The following ARHGAP40 variants were observed in gnomAD, a reference collection of about 807,000 sequenced individuals.
ARHGAP40 encodes rho GTPase-activating protein 40.
Under a neutral mutation model 73.5 loss-of-function variants are expected in ARHGAP40, and 43 were observed. That is an observed-to-expected ratio of 0.58 (90% CI 0.46 to 0.75). The LOEUF (loss-of-function observed/expected upper bound fraction) is 0.75. ARHGAP40 is among the 30% of genes least tolerant of loss of function. ARHGAP40 has a pLI of 0.00. For missense variants in ARHGAP40, 734 were observed against 861.8 expected (o/e 0.85, Z 1.86); for synonymous variants, 300 against 352.8 (o/e 0.85, Z 1.68).
intron 9 of ARHGAP40, 22 bp downstream of exon 9, chr20:38,639,408 G>T (rs1342494037): frequency 1.5e-6 from 2 of 1,303,024 alleles, no homozygotes; most frequent in Admixed American, 4.6e-5. Context: ...CAAGCCCTTA[G>T]CCTGTGCAGG....
intron 5 of ARHGAP40, among the ~76,000 whole-genome samples, chr20:38,631,501 T>A (rs1462887779): frequency 1.3e-5 from 2 of 152,058 alleles, no homozygotes; most frequent in Non-Finnish European, 2.9e-5. Flanking sequence ...TCTCCCCTTT[T>A]TAAAACCATC....
chr20:38,602,581 C>T (rs2088741789), intron 1 of ARHGAP40, among the ~76,000 whole-genome samples: 1 of 152,198 alleles, frequency 6.6e-6, no homozygotes, highest in African/African-American at 2.4e-5. Flanking sequence ...ACTCTGATTA[C>T]ATCATATTAC....
At chr20:38,609,274 C>T (rs2088791201) in intron 1 of ARHGAP40, among the ~76,000 whole-genome samples, 1 of 152,152 alleles carries the variant, frequency 6.6e-6, no homozygotes, top group Non-Finnish European at 1.5e-5. Context: ...AGATCAGTGC[C>T]TTGGAGTCAC....
intron 1 of ARHGAP40, among the ~76,000 whole-genome samples, chr20:38,616,899 T>A (rs1368320319): frequency 6.6e-6 from 1 of 152,140 alleles, no homozygotes; most frequent in Non-Finnish European, 1.5e-5. Flanking sequence ...CAAAGAATCA[T>A]CCTCCTGACA....
At chr20:38,609,785 C>T (rs760128432) in intron 1 of ARHGAP40, among the ~76,000 whole-genome samples, 7 of 152,212 alleles carry the variant, frequency 4.6e-5, no homozygotes, top group South Asian at 2.1e-4. Context: ...GAGAGGTACA[C>T]GTAGCTCACA....
At chr20:38,612,692 A>AAGAGATAAGAAAAGAAAAGG (rs2088810949) in intron 1 of ARHGAP40, among the ~76,000 whole-genome samples, 1 of 152,100 alleles carries the variant, frequency 6.6e-6, no homozygotes, top group Non-Finnish European at 1.5e-5. Context: ...AAGAAAAGAA[A>AAGAGATAAGAAAAGAAAAGG]AGAGATAAGA....
At chr20:38,614,474 A>T (rs1198820384) in intron 1 of ARHGAP40, among the ~76,000 whole-genome samples, 1 of 152,042 alleles carries the variant, frequency 6.6e-6, no homozygotes, top group Admixed American at 6.6e-5. Context: ...CCATCTCTAT[A>T]GGAGCGTCTA....
chr20:38,650,430 C>T (rs1358864566), exon 15 of ARHGAP40: 1 of 469,146 alleles, frequency 2.1e-6, no homozygotes, highest in Non-Finnish European at 4.4e-6. Flanking sequence ...TTGGACAAGC[C>T]CCTTGCCCTC....
intron 1 of ARHGAP40, among the ~76,000 whole-genome samples, chr20:38,609,138 G>C (rs182224382): frequency 6.6e-6 from 1 of 152,298 alleles, no homozygotes; most frequent in East Asian, 1.9e-4. Flanking sequence ...ACAGATTCCA[G>C]GGAGTAGTGG....
At chr20:38,620,232 A>G (rs1183852031) in intron 1 of ARHGAP40, among the ~76,000 whole-genome samples, 2 of 152,210 alleles carry the variant, frequency 1.3e-5, no homozygotes, top group African/African-American at 4.8e-5. Context: ...AACAAAACAA[A>G]CAAAACATCA....
At chr20:38,631,622 G>A (rs142952209) in intron 5 of ARHGAP40, among the ~76,000 whole-genome samples, 13 of 152,250 alleles carry the variant, frequency 8.5e-5, no homozygotes, top group Admixed American at 6.5e-4. Context: ...AATTCAAGAT[G>A]AGATTTGGCG....
chr20:38,610,605 G>C (rs2088798706), intron 1 of ARHGAP40, among the ~76,000 whole-genome samples: 1 of 152,222 alleles, frequency 6.6e-6, no homozygotes, highest in South Asian at 2.1e-4. Flanking sequence ...GGTTTGGCTG[G>C]AAAAGGCGGC....
intron 1 of ARHGAP40, among the ~76,000 whole-genome samples, chr20:38,621,623 C>G (rs2088874136): frequency 6.6e-6 from 1 of 152,180 alleles, no homozygotes; most frequent in South Asian, 2.1e-4. Context: ...GAGATGTCTG[C>G]ACACCAAAGT....
chr20:38,601,854 C>G (rs1403387172), exon 1 of ARHGAP40: 7 of 1,267,794 alleles, frequency 5.5e-6, no homozygotes, highest in African/African-American at 1.5e-5. Flanking sequence ...CACGGGGGCC[C>G]TACCTCACTC....
At position 38,601,877 on chromosome 20, in the gene ARHGAP40, T is replaced by A. The variant is rs537089752; in HGVS notation, c.-66T>A. 1.4e-5 allele frequency: 18 copies of A among 1,284,352 alleles called. No homozygotes were observed. In the African/African-American group the frequency reaches 2.7e-4, roughly 20 times the overall value. The allele number at this position is 1,284,352 out of a possible 1,614,324, so 79.6% of individuals were successfully genotyped here. A position where few individuals can be genotyped will look rare whatever the true frequency, so the allele number is the denominator to read the frequency against. On this transcript the variant is annotated 5_prime_UTR_variant, in exon 1 of 15. It adds an upstream start codon to the 5' untranslated region. Transcript: ENST00000373345. ...CCCTACCTCACTCCTCCCTCTCACA[T>A]TGCCGATCGAGTCAGCCCCACGGCG...
chr20:38,636,656 C>G (rs966685123), intron 6 of ARHGAP40, among the ~76,000 whole-genome samples: 4 of 152,184 alleles, frequency 2.6e-5, no homozygotes, highest in African/African-American at 9.6e-5. Flanking sequence ...TTTTTGATGC[C>G]CATGTCTTTC....
rs540001175 is a variant in ARHGAP40 at position 38,608,333 on chromosome 20, A to G, written c.137+6254A>G. On this transcript the variant is annotated intron_variant, in intron 1 of 14. Transcript: ENST00000373345. The stretch of plus-strand genomic sequence containing the variant: ...TGTTTCTTTAAAACTGAGTTTCAAC[A>G]CCACCTCCTCCAGGAAGCCTCTTCT... 2.2e-3 allele frequency among the ~76,000 whole-genome samples: 339 copies of G among 152,118 alleles called. 2 individuals are homozygous for G. Among genetic ancestry groups the G allele is most frequent in the African/African-American group, 7.5e-3 (310 of 41,482 alleles).
intron 5 of ARHGAP40, among the ~76,000 whole-genome samples, chr20:38,633,619 C>A (rs981681103): frequency 6.6e-6 from 1 of 152,194 alleles, no homozygotes; most frequent in Non-Finnish European, 1.5e-5. Flanking sequence ...ATAGCCCATG[C>A]CGCAAGCACT....
At chr20:38,610,451 A>C (rs2088797615) in intron 1 of ARHGAP40, among the ~76,000 whole-genome samples, 1 of 152,236 alleles carries the variant, frequency 6.6e-6, no homozygotes, top group Non-Finnish European at 1.5e-5. Flanking sequence ...AGCCAATGTA[A>C]GAGACCCTGG....
Sources: gnomAD v4.1 joint callset for allele counts (sites outside exome capture counted in the v4.1 genomes callset) on GRCh38, gnomAD v4.1.1 for gene constraint, MANE v1.5 for transcripts, NCBI Gene and HGNC (gene_info 2026-07-23, HGNC 2026-07-21) for gene names.